The following PFAS variants were observed in gnomAD, a reference collection of about 807,000 sequenced individuals.
PFAS encodes the protein FGAM synthase.
PFAS carries 97 observed loss-of-function variants against 140.6 expected under a neutral mutation model. The observed-to-expected ratio is 0.69, with a 90% CI of 0.59 to 0.82. PFAS has a LOEUF of 0.82. PFAS is among the 40% of genes least tolerant of loss of function. The pLI, the probability that PFAS is intolerant of heterozygous loss-of-function variation, is 0.00. For missense variants in PFAS, 1,656 were observed against 1,780.2 expected, an observed-to-expected ratio of 0.93 and a Z score of 1.26; for synonymous variants, 679 against 718.8, an observed-to-expected ratio of 0.94 and a Z score of 0.88.
At chr17:8,261,569 C>T (rs531236499) in intron 11 of PFAS, among the ~76,000 whole-genome samples, 11 of 151,770 alleles carry the variant, frequency 7.2e-5, no homozygotes, top group South Asian at 2.1e-4. Flanking sequence ...GTTAGCTATG[C>T]GTATATCTTC....
At chr17:8,258,769 G>A (rs963233291) in intron 11 of PFAS, among the ~76,000 whole-genome samples, 9 of 152,004 alleles carry the variant, frequency 5.9e-5, no homozygotes, top group African/African-American at 1.7e-4. Flanking sequence ...GGCAGATCAC[G>A]AGGTCAGGAG....
Position 8,261,941 on chromosome 17 carries a change from C to T in PFAS, c.1337-979C>T, listed in dbSNP as rs534860098. On this transcript the variant is annotated intron_variant, in intron 11 of 27. Coordinates refer to ENST00000314666, the MANE Select transcript of PFAS (RefSeq NM_012393.3). ...GAGCCCCCAGGCTTCAGGACCCTTC[C>T]GCATCCAGAGGTTGCAGTGAGCCGA... 3.9e-3 allele frequency among the ~76,000 whole-genome samples: 591 copies of T among 151,706 alleles called. 5 individuals carry two copies. The highest frequency in any genetic ancestry group is 0.013 in the African/African-American group (543 of 41,378).
intron 1 of PFAS, among the ~76,000 whole-genome samples, chr17:8,252,634 G>A (rs1989202411): frequency 6.6e-6 from 1 of 152,006 alleles, no homozygotes; most frequent in Non-Finnish European, 1.5e-5. Context: ...TGGAACTCCT[G>A]ATCTCAAGTT....
rs576592699 is a variant in PFAS, at chr17:8,266,060, C to T, written c.2701+43C>T. On this transcript the variant is annotated intron_variant, in intron 21 of 27. Transcript: ENST00000314666. The surrounding 1 kb of genome is among the most constrained non-coding windows in gnomAD (Gnocchi z 5.0). ...GGGAGATAGCGCACAGGGTGCCAGG[C>T]GTGCAGCAGGCGTTCACCATCTGAG... 50 of 1,558,160 alleles carry T rather than the reference C, an allele frequency of 3.2e-5. No homozygotes were observed. Among genetic ancestry groups the T allele is most frequent in the South Asian group, 2.6e-4 (22 of 84,014 alleles).
intron 9 of PFAS, 150 bp downstream of exon 9, chr17:8,257,113 G>A: frequency 1.2e-6 from 1 of 840,424 alleles, no homozygotes. Flanking sequence ...CACTAACTAT[G>A]GTCATAAGTG....
chr17:8,258,090 C>T lies in PFAS; in HGVS notation c.1227C>T (p.Gly409=), dbSNP rs757223328. The T allele has an allele frequency of 1.9e-6, 3 of 1,614,114 alleles. No homozygotes were observed. Among genetic ancestry groups the T allele is most frequent in the Middle Eastern group, 1.6e-4 (1 of 6,062 alleles). ...PVLAGFARSL[G]LQLPDGQRRE... ...CTCCAGGCTTCGCCCGCTCCTTGGG[C>T]CTCCAGCTCCCAGACGGCCAGCGGC... Residue 409 remains glycine (G), a synonymous_variant, in exon 11 of 28, where the codon GGC becomes GGT. Coordinates refer to ENST00000314666, the MANE Select transcript of PFAS (RefSeq NM_012393.3).
chr17:8,254,592 C>T (rs146883512), intron 3 of PFAS, among the ~76,000 whole-genome samples: 1 of 152,306 alleles, frequency 6.6e-6, no homozygotes, highest in Non-Finnish European at 1.5e-5. Flanking sequence ...ATCACGAGAT[C>T]AGGAGATTGA....
chr17:8,258,985 CAAAA>C (rs570981517), intron 11 of PFAS, among the ~76,000 whole-genome samples: 1 of 88,480 alleles, frequency 1.1e-5, no homozygotes, highest in African/African-American at 4.0e-5. Flanking sequence ...GACTCCATCT[CAAAA>C]AAAAAAAAAA....
upstream of PFAS, chr17:8,248,195 GCGCCTCGGTGCACCATC>G (rs1988949103): frequency 1.6e-6 from 1 of 635,932 alleles, no homozygotes; most frequent in Non-Finnish European, 2.8e-6. Context: ...ACTCCGCGAG[GCGCCTCGGTGCACCATC>G]CCAACTCCCG....
chr17:8,262,404 A>T (rs1014112474), intron 11 of PFAS: 1 of 156,466 alleles, frequency 6.4e-6, no homozygotes, highest in Admixed American at 6.2e-5. Context: ...GTATTTACCC[A>T]ATCAGAGACT....
At position 8,265,475 on chromosome 17, in the gene PFAS, T is replaced by C. The variant is rs1277941018; in HGVS notation, c.2461+7T>C. On this transcript the variant is annotated splice_region_variant and intron_variant, in intron 19 of 27. Transcript: ENST00000314666. ...GAGACCGTGCGGGCTCCTGGTGAGG[T>C]GTGGGAGCCCCAGGGAGGGGAGGAG... The C allele has an allele frequency of 1.2e-6, 2 of 1,613,186 alleles. No homozygotes were observed. The highest frequency in any genetic ancestry group is 4.5e-5 in the East Asian group (2 of 44,884).
Position 8,264,269 on chromosome 17 carries a change from C to T in PFAS, c.1849C>T (p.Pro617Ser), listed in dbSNP as rs149123626. 4.3e-5 allele frequency: 69 copies of T among 1,613,700 alleles called. No individual in the cohort carries two copies. The highest frequency in any genetic ancestry group is 3.2e-4 in the African/African-American group (24 of 74,840). ...PVRRNGQGDA[P>S]PTPLPTPVDL... The stretch of plus-strand genomic sequence containing the variant: ...CAGAAGAAATGGCCAGGGGGATGCC[C>T]CCCCGACACCCCTGCCAACCCCTGT... Residue 617 changes from proline to serine, a missense_variant, in exon 16 of 28, where the codon CCC becomes TCC. Around this residue, in one of 2 missense-constraint regions of PFAS, gnomAD observed 883 missense variants for 1,023.0 expected, o/e 0.86. Coordinates refer to ENST00000314666, the MANE Select transcript of PFAS (RefSeq NM_012393.3).
chr17:8,263,743 C>T, intron 14 of PFAS, 32 bp from the exon 15 acceptor site: 1 of 1,609,864 alleles, frequency 6.2e-7, no homozygotes, highest in Non-Finnish European at 8.5e-7. Context: ...GCCCACTGGC[C>T]CTTCTCTTTC....
chr17:8,260,334 A>G (rs867199416), intron 11 of PFAS, among the ~76,000 whole-genome samples: 3 of 152,182 alleles, frequency 2.0e-5, no homozygotes, highest in Non-Finnish European at 2.9e-5. Flanking sequence ...TCACTGTTGT[A>G]TATGTGGTCT....
chr17:8,256,055 A>G (rs1217038681), intron 6 of PFAS, 145 bp downstream of exon 6: 1 of 793,256 alleles, frequency 1.3e-6, no homozygotes, highest in Non-Finnish European at 2.0e-6. Flanking sequence ...CAAGGAGTCT[A>G]CATTCAAATC....
At chr17:8,257,361 C>A (rs1006473610) in intron 9 of PFAS, among the ~76,000 whole-genome samples, 4 of 151,768 alleles carry the variant, frequency 2.6e-5, no homozygotes, top group Non-Finnish European at 4.4e-5. Context: ...TCAAAACCAT[C>A]CTGGCTAACA....
chr17:8,267,028 G>A lies in PFAS; in HGVS notation c.2968G>A (p.Val990Ile). Residue 990 changes from valine to isoleucine, a missense_variant and splice_region_variant, in exon 24 of 28, where the codon GTC becomes ATC. By Grantham distance (29) the Val-to-Ile change is conservative. Transcript: ENST00000314666. The surrounding 1 kb of genome is among the most constrained non-coding windows in gnomAD (Gnocchi z 4.9). ...HTGEAGPHAM[V>I]RVSVNGAVVL... Reference sequence around the variant, plus strand: ...GTGGGAGATTTGTTCCTCTTCCTAGGTCCGGGTGTCAGTGAACGGGGCTGT... The same window carrying A: ...GTGGGAGATTTGTTCCTCTTCCTAGATCCGGGTGTCAGTGAACGGGGCTGT... 3 of 1,613,756 alleles carry A rather than the reference G, an allele frequency of 1.9e-6. No homozygotes were observed. Among genetic ancestry groups the A allele is most frequent in the Non-Finnish European group, 2.5e-6 (3 of 1,180,028 alleles).
In PFAS at chr17:8,268,778, C is replaced by T. The variant is rs1245820836; in HGVS notation, c.3628C>T (p.Arg1210Cys). The T allele has an allele frequency of 1.2e-6, 2 of 1,609,756 alleles. No homozygotes were observed. Among genetic ancestry groups the T allele is most frequent in the Non-Finnish European group, 1.7e-6 (2 of 1,179,804 alleles). ...CTACGAGTCTCGCTGGGCCAGCGTG[C>T]GTGTGGGGCCTGGGCCAGCCCTGAT... Reference protein sequence around the residue: ...GRYESRWASVRVGPGPALMLR... With the variant: ...GRYESRWASVCVGPGPALMLR... Residue 1210 changes from arginine to cysteine, a missense_variant, in exon 27 of 28, where the codon CGT (arginine) becomes TGT (cysteine). Arg to Cys is a radical substitution (Grantham distance 180). This residue lies in a region of PFAS where 883 missense variants were observed against 1,023.0 expected (regional missense o/e 0.86). Transcript: ENST00000314666.
At chr17:8,255,955 T>G in intron 6 of PFAS, 45 bp downstream of exon 6, 1 of 1,423,024 alleles carries the variant, frequency 7.0e-7, no homozygotes, top group African/African-American at 1.4e-5. Flanking sequence ...CCATGGGTGT[T>G]GGGAGAGACC....
Sources: gnomAD v4.1 joint callset for allele counts (sites outside exome capture counted in the v4.1 genomes callset) on GRCh38, gnomAD v4.1.1 for gene constraint, gnomAD v4.1.1 regional missense constraint, Gnocchi (gnomAD v3.1) non-coding constraint, MANE v1.5 for transcripts, NCBI Gene and HGNC (gene_info 2026-07-23, HGNC 2026-07-21) for gene names.